The following SLC44A1 variants were observed in gnomAD, a reference collection of about 807,000 sequenced individuals.
SLC44A1 encodes choline transporter-like protein 1.
SLC44A1 carries 26 observed loss-of-function variants against 79.3 expected under a neutral mutation model. The ratio of observed to expected loss-of-function variants is 0.33; its 90% CI spans 0.24 to 0.46. The LOEUF (loss-of-function observed/expected upper bound fraction) is 0.46. Ranked by LOEUF, SLC44A1 falls within the 20% of genes least tolerant of loss-of-function variation. The pLI is 1.00. For synonymous variants in SLC44A1, 263 were observed against 286.2 expected (o/e 0.92, Z 0.82); for missense variants, 688 against 798.1 (o/e 0.86, Z 1.66).
chr9:105,313,811 T>C (rs376241227), intron 3 of SLC44A1, among the ~76,000 whole-genome samples: 9 of 152,148 alleles, frequency 5.9e-5, no homozygotes, highest in Non-Finnish European at 1.3e-4. Context: ...CAGGCTGGAG[T>C]GCAATGGCGT....
chr9:105,311,619 C>T (rs1183147046), intron 3 of SLC44A1, among the ~76,000 whole-genome samples: 3 of 152,158 alleles, frequency 2.0e-5, no homozygotes, highest in Non-Finnish European at 4.4e-5. Context: ...GGTCACTATT[C>T]CCTGAATGTT....
intron 3 of SLC44A1, among the ~76,000 whole-genome samples, chr9:105,329,798 C>G (rs1005833298): frequency 6.6e-6 from 1 of 152,110 alleles, no homozygotes; most frequent in African/African-American, 2.4e-5. Context: ...GCAGTTTTCT[C>G]TGCCTAGAGT....
At chr9:105,287,695 T>TA (rs35224846) in intron 1 of SLC44A1, among the ~76,000 whole-genome samples, 33,096 of 152,082 alleles carry the variant, frequency 0.22, 6,466 homozygotes, top group African/African-American at 0.53. Context: ...CAGCTGATCA[T>TA]CTACTGTTTA....
chr9:105,320,709 AGCTG>A, intron 3 of SLC44A1, among the ~76,000 whole-genome samples: 1 of 152,220 alleles, frequency 6.6e-6, no homozygotes, highest in East Asian at 1.9e-4. Flanking sequence ...GCTCCCATAT[AGCTG>A]GGACTATAGG....
At chr9:105,437,415 A>G (rs997102133) in intron 15 of SLC44A1, among the ~76,000 whole-genome samples, 2 of 152,072 alleles carry the variant, frequency 1.3e-5, no homozygotes, top group Non-Finnish European at 2.9e-5. Context: ...AGTTGTCTAG[A>G]TAAGTATCTA....
chr9:105,311,819 C>CT (rs1042818474), intron 3 of SLC44A1, among the ~76,000 whole-genome samples: 19 of 152,156 alleles, frequency 1.2e-4, no homozygotes, highest in African/African-American at 4.6e-4. Context: ...AATGAACAGA[C>CT]TTTTTTTTAC....
intron 15 of SLC44A1, among the ~76,000 whole-genome samples, chr9:105,388,080 A>G (rs976454863): frequency 2.6e-5 from 4 of 152,180 alleles, no homozygotes; most frequent in African/African-American, 7.2e-5. Flanking sequence ...TTCTATGTGC[A>G]TTGTTCTGGT....
chr9:105,402,404 C>T (rs1385323516), intron 15 of SLC44A1, among the ~76,000 whole-genome samples: 6 of 152,148 alleles, frequency 3.9e-5, no homozygotes, highest in Admixed American at 6.5e-5. Flanking sequence ...CTCAGGATGA[C>T]GTGTGCCATC....
At chr9:105,411,566 G>C (rs1387742750) in intron 15 of SLC44A1, among the ~76,000 whole-genome samples, 3 of 149,458 alleles carry the variant, frequency 2.0e-5, no homozygotes, top group Non-Finnish European at 4.4e-5. Flanking sequence ...TTTTTTTCTG[G>C]TCAACAATCC....
At chr9:105,301,324 A>G (rs1236246585) in intron 2 of SLC44A1, among the ~76,000 whole-genome samples, 1 of 152,228 alleles carries the variant, frequency 6.6e-6, no homozygotes, top group East Asian at 1.9e-4. Context: ...ATGGTAATTA[A>G]TATAATGTTG....
chr9:105,274,011 T>A (rs1410831313), intron 1 of SLC44A1, among the ~76,000 whole-genome samples: 2 of 152,190 alleles, frequency 1.3e-5, no homozygotes, highest in Non-Finnish European at 2.9e-5. Context: ...TAAATATGTT[T>A]CATGGTACTT....
chr9:105,438,310 C>G (rs1829489514), exon 16 of SLC44A1: 9 of 1,548,798 alleles, frequency 5.8e-6, no homozygotes, highest in Non-Finnish European at 7.0e-6. Context: ...TCTCATGAGC[C>G]CTGAAGAATG....
chr9:105,360,832 C>G (rs1445205589), intron 7 of SLC44A1, among the ~76,000 whole-genome samples: 1 of 152,182 alleles, frequency 6.6e-6, no homozygotes, highest in Non-Finnish European at 1.5e-5. Context: ...ATGCTTATTT[C>G]CTTCCTCCAG....
rs556502972 is a variant in SLC44A1 at position 105,354,039 on chromosome 9, CTTTTTTT to C, written c.501-2150_501-2144del. ...TTGACTTAGAAATTTACAGTTAATC[CTTTTTTT>C]TTTTTTTTTTTTTTTTTTTTTTGAG... On this transcript the variant is annotated intron_variant, in intron 5 of 15. Coordinates refer to ENST00000374720, the MANE Select transcript of SLC44A1 (RefSeq NM_080546.5). Among the ~76,000 whole-genome samples, 116 of 98,472 alleles carry C rather than the reference CTTTTTTT, an allele frequency of 1.2e-3. 1 individual carries two copies. The highest frequency in any genetic ancestry group is 5.5e-3 in the African/African-American group (108 of 19,752). 64.6% of individuals were successfully genotyped at this position (98,472 alleles called of 152,430 possible).
At chr9:105,329,221 TA>T (rs1826677058) in intron 3 of SLC44A1, among the ~76,000 whole-genome samples, 2 of 152,138 alleles carry the variant, frequency 1.3e-5, no homozygotes, top group Non-Finnish European at 2.9e-5. Flanking sequence ...TGATATGAGG[TA>T]ATAATTGGGA....
At chr9:105,424,645 T>G (rs1360491641) in intron 15 of SLC44A1, among the ~76,000 whole-genome samples, 2 of 152,152 alleles carry the variant, frequency 1.3e-5, no homozygotes, top group African/African-American at 2.4e-5. Flanking sequence ...TTTTAAAAGA[T>G]AAGCAAAAAT....
intron 15 of SLC44A1, among the ~76,000 whole-genome samples, chr9:105,414,968 G>T (rs1335918664): frequency 2.0e-5 from 3 of 152,090 alleles, no homozygotes; most frequent in African/African-American, 4.8e-5. Flanking sequence ...TCCTCTCAGA[G>T]TGGAAGCCAG....
At chr9:105,331,108 A>G (rs1452081359) in intron 3 of SLC44A1, among the ~76,000 whole-genome samples, 1 of 152,222 alleles carries the variant, frequency 6.6e-6, no homozygotes, top group African/African-American at 2.4e-5. Context: ...TCTAAAGGAT[A>G]TGAAACTTAA....
chr9:105,352,857 A>C (rs1827497102), intron 5 of SLC44A1, among the ~76,000 whole-genome samples: 1 of 152,172 alleles, frequency 6.6e-6, no homozygotes, highest in African/African-American at 2.4e-5. Context: ...ATTTTTTTTG[A>C]TAAGAAAACA....
Sources: gnomAD v4.1 joint callset for allele counts (sites outside exome capture counted in the v4.1 genomes callset) on GRCh38, gnomAD v4.1.1 for gene constraint, MANE v1.5 for transcripts, NCBI Gene and HGNC (gene_info 2026-07-23, HGNC 2026-07-21) for gene names.